The following ARB2A variants were observed in gnomAD, a reference collection of about 807,000 sequenced individuals.
ARB2A encodes cotranscriptional regulator ARB2A.
chr5:93,924,157 A>G, the ARB2A span, among the ~76,000 whole-genome samples: 1 of 152,336 alleles, frequency 6.6e-6, no homozygotes, highest in Non-Finnish European at 1.5e-5. Context: ...ACTTGTAGCT[A>G]CACGATGAAA....
At chr5:93,762,819 C>A in the ARB2A span, among the ~76,000 whole-genome samples, 3 of 152,154 alleles carry the variant, frequency 2.0e-5, no homozygotes, top group East Asian at 3.9e-4. Flanking sequence ...GGGTTACCCA[C>A]AAAGGGAAGC....
chr5:93,875,763 T>C, the ARB2A span, among the ~76,000 whole-genome samples: 2 of 152,092 alleles, frequency 1.3e-5, no homozygotes, highest in African/African-American at 4.8e-5. Context: ...TAAGCCTCTT[T>C]TTCTTCTTTC....
the ARB2A span, among the ~76,000 whole-genome samples, chr5:94,070,796 A>G: frequency 6.6e-6 from 1 of 152,098 alleles, no homozygotes; most frequent in Non-Finnish European, 1.5e-5. Context: ...AGATGTATAT[A>G]TGGCATATAA....
chr5:93,852,646 G>A, the ARB2A span, among the ~76,000 whole-genome samples: 1 of 152,278 alleles, frequency 6.6e-6, no homozygotes, highest in South Asian at 2.1e-4. Context: ...GTGTAAGGAA[G>A]GGATCCAGTT....
chr5:93,700,595 C>T, the ARB2A span, among the ~76,000 whole-genome samples: 1 of 151,964 alleles, frequency 6.6e-6, no homozygotes, highest in Non-Finnish European at 1.5e-5. Context: ...CAGAAGGAAT[C>T]ATAATCAATT....
At chr5:93,773,850 T>C in the ARB2A span, among the ~76,000 whole-genome samples, 7 of 152,326 alleles carry the variant, frequency 4.6e-5, no homozygotes, top group African/African-American at 1.7e-4. Flanking sequence ...TCACTGTAGC[T>C]TTGAACTCTT....
chr5:93,907,544 C>T, the ARB2A span, among the ~76,000 whole-genome samples: 18 of 151,310 alleles, frequency 1.2e-4, 1 homozygote, highest in East Asian at 3.5e-3. Flanking sequence ...TTTTGGTTTA[C>T]AAAGATGGAA....
the ARB2A span, among the ~76,000 whole-genome samples, chr5:93,732,824 T>C: frequency 6.6e-6 from 1 of 152,264 alleles, no homozygotes; most frequent in East Asian, 1.9e-4. Context: ...AGAGCCTTCC[T>C]TTAAAAATAT....
the ARB2A span, among the ~76,000 whole-genome samples, chr5:93,693,641 G>A: frequency 1.8e-4 from 27 of 152,120 alleles, no homozygotes; most frequent in African/African-American, 6.5e-4. Context: ...AAGAGGAGCT[G>A]GTACCATTCC....
At chr5:93,964,621 A>C in the ARB2A span, 1 of 729,694 alleles carries the variant, frequency 1.4e-6, no homozygotes, top group Non-Finnish European at 2.3e-6. Context: ...GCTCTGAGTA[A>C]ATATCTCTTC....
the ARB2A span, chr5:93,618,230 A>G: frequency 6.6e-6 from 1 of 152,100 alleles, no homozygotes; most frequent in African/African-American, 2.4e-5. Flanking sequence ...TATTAAAGGT[A>G]CATGGTCTTC....
the ARB2A span, among the ~76,000 whole-genome samples, chr5:93,988,341 C>A: frequency 6.6e-6 from 1 of 152,142 alleles, no homozygotes; most frequent in Non-Finnish European, 1.5e-5. Context: ...CTATCTATTT[C>A]TCATATTTAA....
At chr5:94,017,066 G>C in the ARB2A span, among the ~76,000 whole-genome samples, 1 of 152,226 alleles carries the variant, frequency 6.6e-6, no homozygotes, top group African/African-American at 2.4e-5. Flanking sequence ...TGAGAAGCCA[G>C]AGGGCAAGAT....
the ARB2A span, chr5:93,619,969 T>G: frequency 6.6e-6 from 1 of 152,308 alleles, no homozygotes; most frequent in Non-Finnish European, 1.5e-5. Context: ...CGTTTCCTGA[T>G]GACAATAAAA....
the ARB2A span, among the ~76,000 whole-genome samples, chr5:93,647,094 ATAGTT>A: frequency 6.6e-6 from 1 of 152,196 alleles, no homozygotes; most frequent in Non-Finnish European, 1.5e-5. Context: ...TAACTACAGT[ATAGTT>A]ATCAAATTCA....
At chr5:93,824,479 G>C in the ARB2A span, among the ~76,000 whole-genome samples, 2 of 151,952 alleles carry the variant, frequency 1.3e-5, no homozygotes, top group Non-Finnish European at 2.9e-5. Flanking sequence ...AGAATTAAAA[G>C]ATAAAAATTA....
the ARB2A span, among the ~76,000 whole-genome samples, chr5:93,837,931 C>A: frequency 1.3e-5 from 2 of 152,050 alleles, no homozygotes; most frequent in Non-Finnish European, 2.9e-5. Context: ...GCATAGTAAG[C>A]AAATATTTTT....
chr5:93,672,815 AT>A, the ARB2A span, among the ~76,000 whole-genome samples: 1 of 152,190 alleles, frequency 6.6e-6, no homozygotes, highest in East Asian at 1.9e-4. Flanking sequence ...ATTAGCTATT[AT>A]TAGTCTTTAA....
At chr5:93,708,210 T>A in the ARB2A span, among the ~76,000 whole-genome samples, 3 of 152,230 alleles carry the variant, frequency 2.0e-5, no homozygotes, top group Non-Finnish European at 4.4e-5. Flanking sequence ...GATACATTTT[T>A]AAAATTATAG....
Sources: allele counts gnomAD v4.1 joint callset (sites outside exome capture counted in the v4.1 genomes callset), GRCh38; gene constraint gnomAD v4.1.1; transcripts MANE v1.5; gene names NCBI Gene and HGNC (gene_info 2026-07-23, HGNC 2026-07-21).